KIAA1217: variants seen among roughly 807,000 people sequenced by gnomAD.
KIAA1217 encodes sickle tail protein homolog.
KIAA1217 carries 88 observed loss-of-function variants against 163.9 expected under a neutral mutation model. The ratio of observed to expected loss-of-function variants is 0.54; its 90% CI spans 0.45 to 0.64. The LOEUF (loss-of-function observed/expected upper bound fraction) is 0.64, where lower values mean the gene tolerates loss of function less well. Ranked by LOEUF, KIAA1217 falls within the 30% of genes least tolerant of loss-of-function variation. The pLI, the probability that KIAA1217 is intolerant of heterozygous loss-of-function variation, is 0.00. For missense variants in KIAA1217, 2,372 were observed against 2,475.0 expected, an observed-to-expected ratio of 0.96 and a Z score of 0.88; for synonymous variants, 903 against 923.1, an observed-to-expected ratio of 0.98 and a Z score of 0.39.
intron 2 of KIAA1217, among the ~76,000 whole-genome samples, chr10:24,096,032 C>G (rs1395366295): frequency 6.6e-6 from 1 of 152,192 alleles, no homozygotes; most frequent in East Asian, 1.9e-4. Flanking sequence ...CGCTTGAGAC[C>G]AGGAATTCAA....
intron 1 of KIAA1217, among the ~76,000 whole-genome samples, chr10:23,989,068 TC>T (rs1425939399): frequency 6.6e-6 from 1 of 152,236 alleles, no homozygotes; most frequent in Admixed American, 6.5e-5. Flanking sequence ...TTTCATTGAC[TC>T]TTCTGGAAAA....
chr10:24,086,292 T>C (rs1450609350), intron 2 of KIAA1217, among the ~76,000 whole-genome samples: 1 of 152,236 alleles, frequency 6.6e-6, no homozygotes, highest in African/African-American at 2.4e-5. Flanking sequence ...AACATTCCTT[T>C]TGCTTTTGAC....
chr10:24,276,766 C>T (rs1324033834), intron 2 of KIAA1217, among the ~76,000 whole-genome samples: 3 of 152,094 alleles, frequency 2.0e-5, no homozygotes, highest in Non-Finnish European at 2.9e-5. Flanking sequence ...TGTGCTACTA[C>T]GCCCAGCTAA....
Position 24,379,746 on chromosome 10 carries a change from C to T in KIAA1217, c.355-1123C>T, listed in dbSNP as rs189304599. 3.9e-5 allele frequency among the ~76,000 whole-genome samples: 6 copies of T among 152,060 alleles called. 1 individual carries two copies. The East Asian group carries it at 1.2e-3, about 29-fold the overall frequency. On this transcript the variant is annotated intron_variant, in intron 2 of 20. Transcript: ENST00000376454. ...GACTGGCTAAAGAATTGTCAGGGTA[C>T]CTTGTTCAAAAATCATTAATAAGGC...
At chr10:23,733,902 T>A (rs1838632123) in intron 1 of KIAA1217, among the ~76,000 whole-genome samples, 1 of 152,254 alleles carries the variant, frequency 6.6e-6, no homozygotes, top group Non-Finnish European at 1.5e-5. Context: ...TTTTATAAAT[T>A]GTTCTTTGTT....
intron 2 of KIAA1217, among the ~76,000 whole-genome samples, chr10:24,241,071 T>A (rs2073030709): frequency 6.6e-6 from 1 of 152,106 alleles, no homozygotes; most frequent in African/African-American, 2.4e-5. Context: ...GGTCTCAAAC[T>A]CCTGGGCTCA....
chr10:24,145,634 C>A (rs1042230866), intron 2 of KIAA1217, among the ~76,000 whole-genome samples: 3 of 152,210 alleles, frequency 2.0e-5, no homozygotes, highest in Admixed American at 2.0e-4. Flanking sequence ...CATCTCCAAG[C>A]TGAGGAGCAG....
chr10:24,392,807 C>G (rs535757792), intron 3 of KIAA1217, among the ~76,000 whole-genome samples: 1 of 152,184 alleles, frequency 6.6e-6, no homozygotes, highest in African/African-American at 2.4e-5. Flanking sequence ...GGAAATGTTA[C>G]CTGAACTGTG....
intron 1 of KIAA1217, among the ~76,000 whole-genome samples, chr10:23,889,157 CA>C (rs1463641502): frequency 1.3e-5 from 2 of 151,836 alleles, no homozygotes; most frequent in African/African-American, 4.8e-5. Context: ...TTTTGGTGTT[CA>C]TAGATGTTTT....
intron 2 of KIAA1217, among the ~76,000 whole-genome samples, chr10:24,061,378 A>G (rs1166441989): frequency 6.6e-6 from 1 of 152,160 alleles, no homozygotes; most frequent in Non-Finnish European, 1.5e-5. Context: ...AGTAAATTTA[A>G]TAGTGTTGTA....
At chr10:24,205,632 G>A (rs2067514976), upstream of KIAA1217, among the ~76,000 whole-genome samples, 1 of 151,980 alleles carries the variant, frequency 6.6e-6, no homozygotes, top group Admixed American at 6.6e-5. Flanking sequence ...AGTTAGCTGG[G>A]CGTGGTGGCA....
chr10:23,900,886 T>C (rs1257103866), intron 1 of KIAA1217, among the ~76,000 whole-genome samples: 1 of 152,094 alleles, frequency 6.6e-6, no homozygotes, highest in East Asian at 1.9e-4. Context: ...ACCTGCAAAA[T>C]GAATTAATAA....
intron 3 of KIAA1217, among the ~76,000 whole-genome samples, chr10:24,387,991 A>G (rs912024714): frequency 1.3e-5 from 2 of 152,194 alleles, no homozygotes; most frequent in Non-Finnish European, 2.9e-5. Context: ...AAGGTAATTT[A>G]TAGATTCAAT....
intron 1 of KIAA1217, among the ~76,000 whole-genome samples, chr10:24,006,850 A>T (rs1310139429): frequency 6.6e-6 from 1 of 152,182 alleles, no homozygotes; most frequent in East Asian, 1.9e-4. Flanking sequence ...TAGAGATGCG[A>T]GTCTGCAATG....
chr10:24,058,094 C>T (rs1400666142), intron 2 of KIAA1217, among the ~76,000 whole-genome samples: 2 of 152,094 alleles, frequency 1.3e-5, no homozygotes, highest in Non-Finnish European at 2.9e-5. Context: ...TGTTAAGGGT[C>T]CAATTTCATT....
At chr10:23,984,781 G>T (rs1413927574) in intron 1 of KIAA1217, among the ~76,000 whole-genome samples, 2 of 152,044 alleles carry the variant, frequency 1.3e-5, no homozygotes, top group African/African-American at 4.8e-5. Flanking sequence ...GGCAAGGGGA[G>T]GGAGAGCATT....
chr10:23,814,698 G>A (rs1160959971), intron 1 of KIAA1217, among the ~76,000 whole-genome samples: 1 of 152,080 alleles, frequency 6.6e-6, no homozygotes, highest in African/African-American at 2.4e-5. Context: ...TATCCAGTTA[G>A]GTTTCCTCAG....
chr10:24,541,917 AG>A (rs2075155652), intron 17 of KIAA1217, among the ~76,000 whole-genome samples: 1 of 152,210 alleles, frequency 6.6e-6, no homozygotes, highest in African/African-American at 2.4e-5. Flanking sequence ...ATATGAACCA[AG>A]GTTCTATTGT....
intron 5 of KIAA1217, among the ~76,000 whole-genome samples, chr10:24,470,068 T>C (rs2063338460): frequency 6.6e-6 from 1 of 152,230 alleles, no homozygotes; most frequent in South Asian, 2.1e-4. Context: ...ATGTTTGTTT[T>C]GGTTGGTTAT....
Sources: gnomAD v4.1 joint callset for allele counts (sites outside exome capture counted in the v4.1 genomes callset) on GRCh38, gnomAD v4.1.1 for gene constraint, MANE v1.5 for transcripts, NCBI Gene and HGNC (gene_info 2026-07-23, HGNC 2026-07-21) for gene names.